Variants in CA11 observed in about 807,000 individuals in gnomAD.
The protein encoded by CA11 is carbonic anhydrase 11 (inactive), also known as carbonic anhydrase-related protein 11.
Under a neutral mutation model 39.3 loss-of-function variants are expected in CA11, and 20 were observed. That is an observed-to-expected ratio of 0.51 (90% confidence interval 0.36 to 0.74). The LOEUF (loss-of-function observed/expected upper bound fraction) is 0.74. Ranked by LOEUF, CA11 falls within the 30% of genes least tolerant of loss-of-function variation. The pLI is 0.00. For synonymous variants in CA11, 166 were observed against 172.5 expected (o/e 0.96, Z 0.29); for missense variants, 336 against 424.6 (o/e 0.79, Z 1.83).
chr19:48,642,046 A>G lies in CA11; in HGVS notation c.286-1766T>C, dbSNP rs189760173. On this transcript the variant is annotated intron_variant, in intron 3 of 8. Coordinates refer to ENST00000084798, the MANE Select transcript of CA11 (RefSeq NM_001217.5). ...ACAAAGAGAAGGGCATTCCAAGAAG[A>G]GGGAACAGCAAGTGCAAAGGCCCTG... is the stretch of plus-strand genomic sequence containing the variant. 1.1e-3 allele frequency among the ~76,000 whole-genome samples: 163 copies of G among 152,186 alleles called. 1 individual carries two copies. Among genetic ancestry groups the G allele is most frequent in the African/African-American group, 3.8e-3 (156 of 41,530 alleles).
Position 48,638,984 on chromosome 19 carries a change from G to A in CA11, c.865C>T (p.Arg289Trp), listed in dbSNP as rs755381208. The change falls in exon 8 of 9, where the codon CGG (arginine) becomes TGG (tryptophan). Residue 289 changes from arginine to tryptophan, a missense_variant. Coordinates refer to ENST00000084798, the MANE Select transcript of CA11 (RefSeq NM_001217.5). ...QIFQSLSGNS[R>W]PLQPLAHRAL... Reference sequence around the variant, plus strand: ...CTGTGGGCCAAGGGCTGCAGGGGCCGGCTGTTACCGCTGAGGCTCTGGAAG... The same window carrying A: ...CTGTGGGCCAAGGGCTGCAGGGGCCAGCTGTTACCGCTGAGGCTCTGGAAG... 1 of 1,613,902 alleles carries A rather than the reference G, an allele frequency of 6.2e-7. No individual in the cohort carries two copies. Among genetic ancestry groups the A allele is most frequent in the Non-Finnish European group, 8.5e-7 (1 of 1,179,956 alleles).
At position 48,638,831 on chromosome 19, in the gene CA11, G is replaced by C. The variant is rs976439980; in HGVS notation, c.961+57C>G. On this transcript the variant is annotated intron_variant, in intron 8 of 8. Transcript: ENST00000084798. ...CTGAATCACACTGAGACACCAAGGG[G>C]AGACACATATAAGAGGGTTAGCCCA... The C allele has an allele frequency of 8.8e-6, 13 of 1,473,244 alleles. No homozygotes were observed. In the African/African-American group the frequency reaches 1.8e-4, roughly 21 times the overall value. 91.3% of individuals were successfully genotyped at this position (1,473,244 alleles called of 1,614,324 possible).
Position 48,644,439 on chromosome 19 carries a change from A to G in CA11, c.273T>C (p.Thr91=). The G allele has an allele frequency of 6.2e-7, 1 of 1,600,528 alleles. No homozygotes were observed. The highest frequency in any genetic ancestry group is 8.5e-7 in the Non-Finnish European group (1 of 1,171,724). ...CCAAGCCCCTTACCTTCTCTCCTCC[A>G]GTGCTGAGCCTTAATGGGGGCAGAA... ...DPFLPPLRLS[T]GGEKLRGTLY... The change falls in exon 3 of 9, where the codon ACT becomes ACC. Residue 91 remains threonine (T), a synonymous_variant. Coordinates refer to ENST00000084798, the MANE Select transcript of CA11 (RefSeq NM_001217.5).
chr19:48,646,042 C>G lies in CA11; in HGVS notation c.-410G>C, dbSNP rs2031240300. On this transcript the variant is annotated 5_prime_UTR_variant, in exon 1 of 9. Coordinates refer to ENST00000084798, the MANE Select transcript of CA11 (RefSeq NM_001217.5). Reference sequence around the variant, plus strand: ...ATCCCGCATCTCCTCCTCCTCCTCCCTCTCTCCTTTCCAGCTCCTGCCTCT... The same window carrying G: ...ATCCCGCATCTCCTCCTCCTCCTCCGTCTCTCCTTTCCAGCTCCTGCCTCT... 1 of 389,212 alleles carries G rather than the reference C, an allele frequency of 2.6e-6. No individual in the cohort carries two copies. Among genetic ancestry groups the G allele is most frequent in the Non-Finnish European group, 4.6e-6 (1 of 219,368 alleles). The allele number at this position is 389,212 out of a possible 1,614,324, so 24.1% of individuals were successfully genotyped here.
At chr19:48,641,793 T>C (rs1440169346) in intron 3 of CA11, among the ~76,000 whole-genome samples, 1 of 150,516 alleles carries the variant, frequency 6.6e-6, no homozygotes, top group Non-Finnish European at 1.5e-5. Context: ...CACAGTCACA[T>C]ACCACCATGC....
chr19:48,644,675 G>A (rs747796327), intron 2 of CA11, 106 bp from the exon 3 acceptor site: 57 of 964,284 alleles, frequency 5.9e-5, no homozygotes, highest in Non-Finnish European at 6.3e-5. Context: ...AGATCCCAGG[G>A]GAGGAGGGGC....
intron 3 of CA11, among the ~76,000 whole-genome samples, chr19:48,640,706 G>A (rs1439585836): frequency 7.4e-6 from 1 of 135,400 alleles, no homozygotes; most frequent in African/African-American, 2.8e-5. Flanking sequence ...ACGGAGTCTC[G>A]CTCTGTCGCC....
At chr19:48,645,018 T>A (rs2031204060) in intron 2 of CA11, among the ~76,000 whole-genome samples, 1 of 152,086 alleles carries the variant, frequency 6.6e-6, no homozygotes, top group Non-Finnish European at 1.5e-5. Flanking sequence ...TTCTTTTTTT[T>A]AATCGCTCTT....
chr19:48,645,383 G>A lies in CA11; in HGVS notation c.142+20C>T. ...AGGCGCCGGGAGGGCCGGACTCCTGGGTCCCCGCCTTGGCGGCACCTGGCA... is the reference window on the plus strand; with the variant it reads ...AGGCGCCGGGAGGGCCGGACTCCTGAGTCCCCGCCTTGGCGGCACCTGGCA... On this transcript the variant is annotated intron_variant, in intron 2 of 8. Transcript: ENST00000084798. The A allele has an allele frequency of 6.4e-7, 1 of 1,564,032 alleles. No homozygotes were observed. Among genetic ancestry groups the A allele is most frequent in the African/African-American group, 1.4e-5 (1 of 73,902 alleles).
intron 3 of CA11, among the ~76,000 whole-genome samples, chr19:48,640,927 G>A (rs907767880): frequency 6.6e-6 from 1 of 151,640 alleles, no homozygotes; most frequent in African/African-American, 2.4e-5. Flanking sequence ...GCCCGCCTCA[G>A]CCTCCCAAAG....
rs1302628468 is a variant in CA11, at chr19:48,643,989, C to T, written c.285+438G>A. On this transcript the variant is annotated intron_variant, in intron 3 of 8. Transcript: ENST00000084798. This position sits in a 1 kb window ranked among gnomAD's most constrained non-coding sequence, Gnocchi z 4.3. Reference sequence around the variant, plus strand: ...GCGCATGCCTGTAATCCCAACTACTCGGGAGGCTGGGGCAGGAGAATCGCT... The same window carrying T: ...GCGCATGCCTGTAATCCCAACTACTTGGGAGGCTGGGGCAGGAGAATCGCT... Among the ~76,000 whole-genome samples the T allele has an allele frequency of 1.3e-5, 2 of 151,860 alleles. No homozygotes were observed. Among genetic ancestry groups the T allele is most frequent in the East Asian group, 1.9e-4 (1 of 5,162 alleles).
chr19:48,638,375 G>GCT, intron 8 of CA11: 1 of 82,604 alleles, frequency 1.2e-5, no homozygotes, highest in Non-Finnish European at 1.3e-5. Flanking sequence ...AGGTCTTCAT[G>GCT]GGGGGGGGGG....
chr19:48,640,400 G>C (rs1186430687), intron 3 of CA11, 120 bp from the exon 4 acceptor site: 2 of 786,326 alleles, frequency 2.5e-6, no homozygotes, highest in Non-Finnish European at 1.9e-6. Flanking sequence ...TTGAAACGGA[G>C]TCTCGCTCTT....
Position 48,638,097 on chromosome 19 carries a change from G to T in CA11, c.*22C>A. On this transcript the variant is annotated 3_prime_UTR_variant, in exon 9 of 9. Coordinates refer to ENST00000084798, the MANE Select transcript of CA11 (RefSeq NM_001217.5). ...TTGTGGGGAGGCTTAGGACGGGCGG[G>T]TGCAATCCTCGAAGGGGAGTCTCAG... The T allele has an allele frequency of 6.9e-7, 1 of 1,452,946 alleles. No individual in the cohort carries two copies. The highest frequency in any genetic ancestry group is 1.5e-5 in the African/African-American group (1 of 67,466). The allele number at this position is 1,452,946 out of a possible 1,614,324, so 90.0% of individuals were successfully genotyped here. A position where few individuals can be genotyped will look rare whatever the true frequency, so the allele number is the denominator to read the frequency against.
At chr19:48,639,673 A>C (rs1413668114) in intron 5 of CA11, 52 bp from the exon 6 acceptor site, 1 of 1,602,386 alleles carries the variant, frequency 6.2e-7, no homozygotes, top group Non-Finnish European at 8.5e-7. Context: ...CCAAGCCCTC[A>C]ACCTTCTCCT....
chr19:48,640,266 C>T lies in CA11; in HGVS notation c.300G>A (p.Leu100=). The T allele has an allele frequency of 6.2e-7, 1 of 1,610,974 alleles. No homozygotes were observed. The highest frequency in any genetic ancestry group is 8.5e-7 in the Non-Finnish European group (1 of 1,178,560). Residue 100 remains leucine (L), a synonymous_variant, in exon 4 of 9, where the codon TTG becomes TTA. Transcript: ENST00000084798. ...STGGEKLRGT[L]YNTGRHVSFL... ...AGGAGACATGTCGGCCGGTGTTGTA[C>T]AAGGTTCCCCGGAGCTGTGGGAGAG...
In CA11 at chr19:48,645,810, C is replaced by G; in HGVS notation, c.-178G>C. ...AGGGACTGAGATCCGCCCTTCAAAC[C>G]CACTCTTCTTCTCTCTCCCGTCTCT... On this transcript the variant is annotated 5_prime_UTR_variant, in exon 1 of 9. Transcript: ENST00000084798. 1 of 552,958 alleles carries G rather than the reference C, an allele frequency of 1.8e-6. No homozygotes were observed. Among genetic ancestry groups the G allele is most frequent in the African/African-American group, 2.0e-5 (1 of 51,188 alleles). The allele number at this position is 552,958 out of a possible 1,614,324, so 34.3% of individuals were successfully genotyped here. A position where few individuals can be genotyped will look rare whatever the true frequency, so the allele number is the denominator to read the frequency against.
intron 3 of CA11, 137 bp from the exon 4 acceptor site, chr19:48,640,417 C>T (rs1293111269): frequency 5.1e-5 from 36 of 703,450 alleles, no homozygotes; most frequent in Non-Finnish European, 7.4e-5. Flanking sequence ...TCTTGTTGCC[C>T]AGGCTGGAGT....
intron 8 of CA11, chr19:48,638,374 TGGGGGGGGG>T: frequency 1.9e-4 from 15 of 80,714 alleles, no homozygotes; most frequent in Non-Finnish European, 2.7e-4. Context: ...AAGGTCTTCA[TGGGGGGGGG>T]GGGGTGTGGA....
Sources: gnomAD v4.1 joint callset for allele counts (sites outside exome capture counted in the v4.1 genomes callset) on GRCh38, gnomAD v4.1.1 for gene constraint, Gnocchi (gnomAD v3.1) non-coding constraint, MANE v1.5 for transcripts, NCBI Gene and HGNC (gene_info 2026-07-23, HGNC 2026-07-21) for gene names.